Variants in MSH3 observed in about 807,000 individuals in gnomAD.
The protein encoded by MSH3 is DNA mismatch repair protein Msh3.
Under a neutral mutation model 123.3 loss-of-function variants are expected in MSH3, and 106 were observed. The observed-to-expected ratio is 0.86, with a 90% CI of 0.73 to 1.01. The LOEUF is 1.01. MSH3 is among the 50% of genes least tolerant of loss of function. MSH3 has a pLI of 0.00. For missense variants in MSH3, 1,459 were observed against 1,347.6 expected (o/e 1.08, Z -1.29); for synonymous variants, 515 against 481.4 (o/e 1.07, Z -0.91).
intron 20 of MSH3, among the ~76,000 whole-genome samples, chr5:80,831,705 A>C (rs1051568867): frequency 3.9e-5 from 6 of 151,914 alleles, no homozygotes; most frequent in Non-Finnish European, 7.4e-5. Flanking sequence ...AAAAAAAAAA[A>C]CAAGCTTTGA....
intron 20 of MSH3, among the ~76,000 whole-genome samples, chr5:80,838,603 A>C (rs1387570260): frequency 6.6e-6 from 1 of 152,204 alleles, no homozygotes. Context: ...GAGTAAACTT[A>C]ATCTAATGGA....
rs758960105 is a variant in MSH3, at chr5:80,654,889, TGCAGCGGCC to T, written c.178_186del (p.Ala60_Ala62del). On this transcript the variant is annotated inframe_deletion, in exon 1 of 24. Transcript: ENST00000265081. The stretch of plus-strand genomic sequence containing the variant: ...AGGTGGACCCTGGCGCTGCAGCGGC[TGCAGCGGCC>T]GCAGCGGCCGCAGCGCCCCCAGCGC... 0.015 allele frequency: 12,568 copies of T among 824,870 alleles called. 159 individuals carry two copies. The highest frequency in any genetic ancestry group is 0.063 in the Middle Eastern group (134 of 2,126). The allele number at this position is 824,870 out of a possible 1,614,324, so 51.1% of individuals were successfully genotyped here. A position where few individuals can be genotyped will look rare whatever the true frequency, so the allele number is the denominator to read the frequency against.
intron 12 of MSH3, among the ~76,000 whole-genome samples, chr5:80,756,302 A>G (rs1743924755): frequency 6.6e-6 from 1 of 152,218 alleles, no homozygotes; most frequent in Non-Finnish European, 1.5e-5. Flanking sequence ...AATAGAGGAA[A>G]TAACTGAAAT....
intron 10 of MSH3, among the ~76,000 whole-genome samples, chr5:80,730,717 A>G (rs955773164): frequency 1.7e-4 from 26 of 151,884 alleles, no homozygotes; most frequent in African/African-American, 5.6e-4. Flanking sequence ...TAAGTGAGGT[A>G]CAATTAGTGA....
intron 6 of MSH3, among the ~76,000 whole-genome samples, chr5:80,674,041 G>A (rs1481731049): frequency 1.3e-5 from 2 of 152,152 alleles, no homozygotes; most frequent in Non-Finnish European, 2.9e-5. Context: ...TATAAATAGG[G>A]AACAGCTATC....
intron 8 of MSH3, among the ~76,000 whole-genome samples, chr5:80,690,204 C>T (rs539661169): frequency 2.0e-5 from 3 of 152,222 alleles, no homozygotes; most frequent in South Asian, 4.2e-4. Context: ...TAGGCATGAG[C>T]GACTGCATTT....
chr5:80,823,156 C>T (rs1745231658), intron 20 of MSH3, among the ~76,000 whole-genome samples: 2 of 152,090 alleles, frequency 1.3e-5, no homozygotes, highest in East Asian at 1.9e-4. Flanking sequence ...TGGAGAAAAC[C>T]ATCTAGATAG....
At chr5:80,729,430 A>AAGGG (rs1491210653) in intron 10 of MSH3, among the ~76,000 whole-genome samples, 1 of 78,376 alleles carries the variant, frequency 1.3e-5, no homozygotes, top group African/African-American at 5.6e-5. Context: ...AAAAAAAAAA[A>AAGGG]TGTGTGTGTG....
intron 2 of MSH3, among the ~76,000 whole-genome samples, chr5:80,657,973 T>C (rs1749328431): frequency 6.6e-6 from 1 of 151,892 alleles, no homozygotes; most frequent in Non-Finnish European, 1.5e-5. Context: ...AATGAGCACC[T>C]ATGATTTTTA....
At position 80,813,736 on chromosome 5, in the gene MSH3, C is replaced by T; in HGVS notation, c.2808C>T (p.Phe936=). ...EATIGIVDGI[F]TRMGAADNIY... is the part of the protein sequence containing the mutation. ...CAATTGGGATTGTGGATGGCATTTT[C>T]ACAAGGTAAGTACGTTAATTCAGCT... is the stretch of plus-strand genomic sequence containing the variant. The change falls in exon 20 of 24, where the codon TTC becomes TTT. Residue 936 remains phenylalanine, a synonymous_variant. Coordinates refer to ENST00000265081, the MANE Select transcript of MSH3 (RefSeq NM_002439.5). 2 of 1,614,120 alleles carry T rather than the reference C, an allele frequency of 1.2e-6. No homozygotes were observed. Among genetic ancestry groups the T allele is most frequent in the East Asian group, 2.2e-5 (1 of 44,872 alleles).
chr5:80,836,852 C>T (rs753528986), intron 20 of MSH3, among the ~76,000 whole-genome samples: 28 of 151,936 alleles, frequency 1.8e-4, no homozygotes, highest in Non-Finnish European at 2.5e-4. Flanking sequence ...ATTGAATCTG[C>T]GGTTGCAGAT....
Position 80,776,210 on chromosome 5 carries a change from C to T in MSH3, c.2318+452C>T, listed in dbSNP as rs376261897. ...CTGCCCTTTCTTATGGAACTTTTAA[C>T]CAAGGAGATCATTACTTTTAACTCT... On this transcript the variant is annotated intron_variant, in intron 16 of 23. Transcript: ENST00000265081. 1.4e-4 allele frequency among the ~76,000 whole-genome samples: 22 copies of T among 152,194 alleles called. No homozygotes were observed. In the East Asian group the frequency reaches 3.5e-3, roughly 24 times the overall value.
At chr5:80,760,206 T>C (rs867254122) in intron 12 of MSH3, among the ~76,000 whole-genome samples, 4 of 152,214 alleles carry the variant, frequency 2.6e-5, no homozygotes, top group Non-Finnish European at 5.9e-5. Flanking sequence ...TCCACTTGTT[T>C]ATTTATTCAT....
intron 10 of MSH3, among the ~76,000 whole-genome samples, chr5:80,729,458 G>GTA (rs1250723529): frequency 0.018 from 1,450 of 81,534 alleles, 23 homozygotes; most frequent in South Asian, 0.059. Flanking sequence ...GTGTGTGTGT[G>GTA]TGTATATATA....
Position 80,728,981 on chromosome 5 carries a change from A to C in MSH3, c.1568+16A>C, listed in dbSNP as rs777413758. On this transcript the variant is annotated intron_variant, in intron 10 of 23. Transcript: ENST00000265081. Reference sequence around the variant, plus strand: ...CCAAACCTGAGTAAGTGATTCCTCCAAAATTAAAAAAAGGGGGAGCTTATA... The same window carrying C: ...CCAAACCTGAGTAAGTGATTCCTCCCAAATTAAAAAAAGGGGGAGCTTATA... 4 of 1,361,974 alleles carry C rather than the reference A, an allele frequency of 2.9e-6. No homozygotes were observed. Among genetic ancestry groups the C allele is most frequent in the Non-Finnish European group, 4.2e-6 (4 of 951,464 alleles). The allele number at this position is 1,361,974 out of a possible 1,614,324, so 84.4% of individuals were successfully genotyped here. A position where few individuals can be genotyped will look rare whatever the true frequency, so the allele number is the denominator to read the frequency against.
At chr5:80,673,902 T>C (rs921142942) in intron 6 of MSH3, among the ~76,000 whole-genome samples, 6 of 152,316 alleles carry the variant, frequency 3.9e-5, no homozygotes, top group Admixed American at 6.5e-5. Context: ...TCTCTGATAA[T>C]GGAAGAATGG....
At chr5:80,721,575 T>G (rs1751078347) in intron 8 of MSH3, among the ~76,000 whole-genome samples, 1 of 152,238 alleles carries the variant, frequency 6.6e-6, no homozygotes, top group African/African-American at 2.4e-5. Flanking sequence ...CTCACATGGT[T>G]GCTGATAGCA....
At chr5:80,825,386 C>T (rs923971130) in intron 20 of MSH3, among the ~76,000 whole-genome samples, 3 of 152,020 alleles carry the variant, frequency 2.0e-5, no homozygotes, top group African/African-American at 4.8e-5. Flanking sequence ...GTGGCTTTTT[C>T]CCCCCTCAGT....
chr5:80,849,888 G>A (rs1745799051), intron 20 of MSH3, among the ~76,000 whole-genome samples: 2 of 152,228 alleles, frequency 1.3e-5, no homozygotes, highest in South Asian at 4.2e-4. Flanking sequence ...CTCAGAAAAT[G>A]GGATTTTCTT....
Sources: allele counts gnomAD v4.1 joint callset (sites outside exome capture counted in the v4.1 genomes callset), GRCh38; gene constraint gnomAD v4.1.1; transcripts MANE v1.5; gene names NCBI Gene and HGNC (gene_info 2026-07-23, HGNC 2026-07-21).